Variants in EPB41L4A observed in about 807,000 individuals in gnomAD.
EPB41L4A encodes the protein erythrocyte membrane protein band 4.1 like 4A, also known as band 4.1-like protein 4A.
Under a neutral mutation model 108.6 loss-of-function variants are expected in EPB41L4A, and 100 were observed. The ratio of observed to expected loss-of-function variants is 0.92; its 90% CI spans 0.78 to 1.09. The LOEUF is 1.09. Ranked by LOEUF, EPB41L4A falls within the 50% of genes least tolerant of loss-of-function variation. EPB41L4A has a pLI of 0.00. For synonymous variants in EPB41L4A, 319 were observed against 289.0 expected, an observed-to-expected ratio of 1.10 and a Z score of -1.05; for missense variants, 1,030 against 842.7, an observed-to-expected ratio of 1.22 and a Z score of -2.75.
At chr5:112,147,329 C>T (rs566371872) in intron 12 of EPB41L4A, among the ~76,000 whole-genome samples, 190 of 152,256 alleles carry the variant, frequency 1.2e-3, no homozygotes, top group Admixed American at 2.0e-3. Flanking sequence ...TTTATGTGAA[C>T]ACATTTAGCA....
chr5:112,212,558 G>A (rs149062994), intron 12 of EPB41L4A, among the ~76,000 whole-genome samples: 6,293 of 152,198 alleles, frequency 0.041, 170 homozygotes, highest in Middle Eastern at 0.065. Context: ...GCCTCCCAAA[G>A]TGCTGGGATT....
intron 1 of EPB41L4A, among the ~76,000 whole-genome samples, chr5:112,319,817 G>A (rs780346460): frequency 6.6e-6 from 1 of 152,182 alleles, no homozygotes; most frequent in Non-Finnish European, 1.5e-5. Flanking sequence ...TTAGATGAGT[G>A]TGCTTTGCCT....
chr5:112,235,286 T>G (rs1380757111), intron 11 of EPB41L4A, among the ~76,000 whole-genome samples: 3 of 152,182 alleles, frequency 2.0e-5, no homozygotes, highest in Non-Finnish European at 4.4e-5. Flanking sequence ...TAGAACCCCA[T>G]GCAAAGCACT....
At chr5:112,260,328 T>C (rs1427539420) in intron 7 of EPB41L4A, among the ~76,000 whole-genome samples, 1 of 152,240 alleles carries the variant, frequency 6.6e-6, no homozygotes, top group Non-Finnish European at 1.5e-5. Flanking sequence ...AAAATGCTGA[T>C]GCCTGGGCAC....
intron 11 of EPB41L4A, among the ~76,000 whole-genome samples, chr5:112,237,108 C>A (rs1027537188): frequency 2.6e-5 from 4 of 152,262 alleles, no homozygotes; most frequent in African/African-American, 9.6e-5. Flanking sequence ...GAGCACCCCA[C>A]AACTTAATGA....
rs930923693 is a variant in EPB41L4A, at chr5:112,162,949, G to A, written c.*2041C>T. On this transcript the variant is annotated 3_prime_UTR_variant, in exon 23 of 23. Coordinates refer to ENST00000261486, the MANE Select transcript of EPB41L4A (RefSeq NM_022140.5). ...TTTCCCTCTTCAGTGCCCTGTTTTA[G>A]AACTGAGTCCTTACTGAGGCTTGTA... 1 of 152,220 alleles carries A rather than the reference G, an allele frequency of 6.6e-6. No homozygotes were observed. Among genetic ancestry groups the A allele is most frequent in the Non-Finnish European group, 1.5e-5 (1 of 68,054 alleles). The allele number at this position is 152,220 out of a possible 1,614,324, so 9.4% of individuals were successfully genotyped here.
chr5:112,395,591 AAAC>A (rs1406071913), intron 1 of EPB41L4A, among the ~76,000 whole-genome samples: 14 of 152,166 alleles, frequency 9.2e-5, no homozygotes, highest in Non-Finnish European at 1.8e-4. Flanking sequence ...AAAAGTCAGG[AAAC>A]AACAGGTGCT....
At chr5:112,159,893 T>C (rs1481916855), downstream of EPB41L4A, among the ~76,000 whole-genome samples, 1 of 149,420 alleles carries the variant, frequency 6.7e-6, no homozygotes, top group Non-Finnish European at 1.5e-5. Flanking sequence ...TTGATCTGTT[T>C]CTTTTTACTT....
chr5:112,297,472 C>CT (rs1754071409), intron 2 of EPB41L4A, among the ~76,000 whole-genome samples: 1 of 152,012 alleles, frequency 6.6e-6, no homozygotes, highest in Non-Finnish European at 1.5e-5. Context: ...CCTTAGTCTA[C>CT]TTTTTGATGG....
At chr5:112,335,198 C>T (rs1015400210) in intron 1 of EPB41L4A, among the ~76,000 whole-genome samples, 1 of 152,094 alleles carries the variant, frequency 6.6e-6, no homozygotes, top group Admixed American at 6.5e-5. Flanking sequence ...ATTTCCATTG[C>T]CAAGAGGCAC....
intron 9 of EPB41L4A, among the ~76,000 whole-genome samples, chr5:112,250,106 T>C (rs996375734): frequency 1.1e-4 from 16 of 152,152 alleles, no homozygotes; most frequent in Non-Finnish European, 1.9e-4. Context: ...AGCTCAGCAA[T>C]TGAAGAATAA....
At chr5:112,275,267 A>G in intron 4 of EPB41L4A, 59 bp downstream of exon 4, 2 of 1,485,746 alleles carry the variant, frequency 1.3e-6, no homozygotes, top group Non-Finnish European at 1.8e-6. Context: ...TTTGTTTTAA[A>G]TAAAGCTTTT....
In EPB41L4A at chr5:112,174,915, A is replaced by G. The variant is rs966157787; in HGVS notation, c.1623-3923T>C. ...TTCTTTGTCACATTCCTGACGGGTC[A>G]AAATAAATCTAATTAGGAGATGTCT... On this transcript the variant is annotated intron_variant, in intron 18 of 22. Transcript: ENST00000261486. 3.3e-5 allele frequency among the ~76,000 whole-genome samples: 5 copies of G among 152,196 alleles called. No homozygotes were observed. In the East Asian group the frequency reaches 9.6e-4, roughly 29 times the overall value.
At chr5:112,234,562 T>G in intron 12 of EPB41L4A, 72 bp downstream of exon 12, 2 of 1,457,516 alleles carry the variant, frequency 1.4e-6, no homozygotes, top group Non-Finnish European at 1.9e-6. Flanking sequence ...AGACATCACC[T>G]GAGTATATCT....
intron 1 of EPB41L4A, among the ~76,000 whole-genome samples, chr5:112,345,267 G>C (rs1205823391): frequency 6.6e-6 from 1 of 152,084 alleles, no homozygotes; most frequent in East Asian, 1.9e-4. Flanking sequence ...TGAGAAAAAA[G>C]TTTTATGCAA....
chr5:112,151,824 G>A (rs568355672), intron 12 of EPB41L4A, among the ~76,000 whole-genome samples: 5 of 151,866 alleles, frequency 3.3e-5, no homozygotes, highest in East Asian at 3.9e-4. Flanking sequence ...TCCGCCTCCC[G>A]GATTCAAGCT....
downstream of EPB41L4A, among the ~76,000 whole-genome samples, chr5:112,158,910 C>A (rs1404886305): frequency 6.6e-6 from 1 of 152,202 alleles, no homozygotes; most frequent in Admixed American, 6.5e-5. Flanking sequence ...AGCAAGAAGG[C>A]AAGACTAAGG....
At chr5:112,342,050 G>A (rs1193632236) in intron 1 of EPB41L4A, among the ~76,000 whole-genome samples, 1 of 152,092 alleles carries the variant, frequency 6.6e-6, no homozygotes, top group Non-Finnish European at 1.5e-5. Flanking sequence ...GAAACATTAT[G>A]CAACTAGAAA....
At chr5:112,337,118 T>G (rs1756968456) in intron 1 of EPB41L4A, among the ~76,000 whole-genome samples, 1 of 152,218 alleles carries the variant, frequency 6.6e-6, no homozygotes, top group African/African-American at 2.4e-5. Flanking sequence ...GATGCAATAT[T>G]TCATCATTAA....
Sources: gnomAD v4.1 joint callset for allele counts (sites outside exome capture counted in the v4.1 genomes callset) on GRCh38, gnomAD v4.1.1 for gene constraint, MANE v1.5 for transcripts, NCBI Gene and HGNC (gene_info 2026-07-23, HGNC 2026-07-21) for gene names.